The following HS6ST3 variants were observed in gnomAD, a reference collection of about 807,000 sequenced individuals.
The protein encoded by HS6ST3 is heparan-sulfate 6-O-sulfotransferase 3.
In HS6ST3, 12 loss-of-function variants were observed where a neutral mutation model predicts 36.7. The ratio of observed to expected loss-of-function variants is 0.33; its 90% confidence interval spans 0.21 to 0.53. HS6ST3 has a LOEUF of 0.53. HS6ST3 is among the 20% of genes least tolerant of loss of function. The pLI is 0.95. For missense variants in HS6ST3, 584 were observed against 640.9 expected (o/e 0.91, Z 0.96); for synonymous variants, 240 against 257.5 (o/e 0.93, Z 0.65).
chr13:96,207,339 GCTTTTC>G (rs2054375814), intron 1 of HS6ST3, among the ~76,000 whole-genome samples: 1 of 151,946 alleles, frequency 6.6e-6, no homozygotes, highest in Admixed American at 6.6e-5. Context: ...AAAAAGGAAT[GCTTTTC>G]CTTTTTCTTG....
rs183293608 is a variant in HS6ST3 at position 96,278,433 on chromosome 13, A to C, written c.707+186864A>C. ...CCACTGGCAAAACTCTTTTTTAAAG[A>C]AGGGTTCAGCAAAATGATTGGCACT... On this transcript the variant is annotated intron_variant, in intron 1 of 1. Transcript: ENST00000376705. Among the ~76,000 whole-genome samples the C allele has an allele frequency of 9.2e-5, 14 of 152,282 alleles. No individual in the cohort carries two copies. In the East Asian group the frequency reaches 2.5e-3, roughly 27 times the overall value.
chr13:96,151,808 C>G (rs2054086290), intron 1 of HS6ST3, among the ~76,000 whole-genome samples: 1 of 152,186 alleles, frequency 6.6e-6, no homozygotes, highest in Non-Finnish European at 1.5e-5. Flanking sequence ...CTCAGTAAGC[C>G]TCCACCATCC....
At chr13:96,682,463 C>G (rs547505539) in intron 1 of HS6ST3, among the ~76,000 whole-genome samples, 2 of 152,078 alleles carry the variant, frequency 1.3e-5, no homozygotes, top group Non-Finnish European at 2.9e-5. Flanking sequence ...TTGCTTGATA[C>G]GTGCAGAATT....
In HS6ST3 at chr13:96,774,700, G is replaced by A. The variant is rs575499179; in HGVS notation, c.708-57790G>A. Among the ~76,000 whole-genome samples the A allele has an allele frequency of 1.3e-4, 20 of 152,194 alleles. No individual in the cohort carries two copies. In the South Asian group the frequency reaches 1.5e-3, roughly 11 times the overall value. On this transcript the variant is annotated intron_variant, in intron 1 of 1. Coordinates refer to ENST00000376705, the MANE Select transcript of HS6ST3 (RefSeq NM_153456.4). ...GATTATGTGAAAAGATCAAACCTAC[G>A]TTTGATTGGGGTACCTGAAAGTGAC...
chr13:96,804,821 G>C (rs1468494426), intron 1 of HS6ST3, among the ~76,000 whole-genome samples: 1 of 152,118 alleles, frequency 6.6e-6, no homozygotes, highest in African/African-American at 2.4e-5. Flanking sequence ...AAAAGGCTGA[G>C]AGCTACAATT....
intron 1 of HS6ST3, among the ~76,000 whole-genome samples, chr13:96,210,712 G>A (rs1419625925): frequency 6.6e-6 from 1 of 151,416 alleles, no homozygotes; most frequent in Non-Finnish European, 1.5e-5. Flanking sequence ...CCCTGCCTCA[G>A]CCTTTCGAGT....
chr13:96,499,279 G>A (rs2055992451), intron 1 of HS6ST3, among the ~76,000 whole-genome samples: 1 of 152,046 alleles, frequency 6.6e-6, no homozygotes, highest in Admixed American at 6.6e-5. Flanking sequence ...GCCCACCTCG[G>A]CCTCCCAAAG....
At chr13:96,781,310 G>A (rs1877521405) in intron 1 of HS6ST3, among the ~76,000 whole-genome samples, 1 of 152,222 alleles carries the variant, frequency 6.6e-6, no homozygotes, top group Non-Finnish European at 1.5e-5. Context: ...CCCTAAGCCA[G>A]GGCACGTAGT....
At chr13:96,136,682 C>CAT (rs56247662) in intron 1 of HS6ST3, among the ~76,000 whole-genome samples, 3,576 of 129,972 alleles carry the variant, frequency 0.028, 73 homozygotes, top group Middle Eastern at 0.041. Flanking sequence ...TGTTATGAAA[C>CAT]ATATATATAT....
intron 1 of HS6ST3, among the ~76,000 whole-genome samples, chr13:96,236,258 G>T (rs989428821): frequency 6.6e-6 from 1 of 152,084 alleles, no homozygotes; most frequent in Non-Finnish European, 1.5e-5. Flanking sequence ...ACTGACTCAG[G>T]TGTTAACCTC....
At chr13:96,486,573 T>A (rs2055916057) in intron 1 of HS6ST3, among the ~76,000 whole-genome samples, 1 of 152,218 alleles carries the variant, frequency 6.6e-6, no homozygotes, top group African/African-American at 2.4e-5. Flanking sequence ...TGGTGTGAGA[T>A]GGAATCTCAT....
chr13:96,442,540 A>G (rs1180057923), intron 1 of HS6ST3, among the ~76,000 whole-genome samples: 1 of 152,174 alleles, frequency 6.6e-6, no homozygotes, highest in Non-Finnish European at 1.5e-5. Flanking sequence ...ATTTTCAGTT[A>G]TGCACTCTTT....
chr13:96,600,259 A>G (rs1404708227), intron 1 of HS6ST3, among the ~76,000 whole-genome samples: 2 of 148,880 alleles, frequency 1.3e-5, no homozygotes, highest in African/African-American at 5.0e-5. Context: ...CCCCACTATT[A>G]TTGTGTTGCT....
intron 1 of HS6ST3, among the ~76,000 whole-genome samples, chr13:96,796,937 C>G (rs1877927304): frequency 6.6e-6 from 1 of 151,966 alleles, no homozygotes; most frequent in African/African-American, 2.4e-5. Context: ...AGGGGGTGTC[C>G]TTATGAATCT....
intron 1 of HS6ST3, among the ~76,000 whole-genome samples, chr13:96,253,486 G>A (rs1594732704): frequency 1.3e-5 from 2 of 152,050 alleles, no homozygotes; most frequent in Non-Finnish European, 2.9e-5. Context: ...ATCCACTCCC[G>A]ATTTTTTTGC....
chr13:96,416,423 C>T (rs970214958), intron 1 of HS6ST3, among the ~76,000 whole-genome samples: 2 of 152,152 alleles, frequency 1.3e-5, no homozygotes, highest in African/African-American at 4.8e-5. Context: ...ATTTTGCAAT[C>T]ACTAAGCATA....
chr13:96,738,700 A>G (rs1173956036), intron 1 of HS6ST3, among the ~76,000 whole-genome samples: 1 of 152,198 alleles, frequency 6.6e-6, no homozygotes, highest in African/African-American at 2.4e-5. Context: ...AGTGTGTAGC[A>G]ATGTATCATA....
intron 1 of HS6ST3, among the ~76,000 whole-genome samples, chr13:96,499,841 CT>C (rs1213740895): frequency 6.6e-6 from 1 of 152,130 alleles, no homozygotes; most frequent in Non-Finnish European, 1.5e-5. Context: ...GGCGTCCAGG[CT>C]GAACGCACTG....
chr13:96,094,075 G>C (rs2053778256), intron 1 of HS6ST3, among the ~76,000 whole-genome samples: 1 of 152,138 alleles, frequency 6.6e-6, no homozygotes, highest in African/African-American at 2.4e-5. Context: ...ATCACATAAT[G>C]GATAAGAGTA....
Sources: allele counts gnomAD v4.1 joint callset (sites outside exome capture counted in the v4.1 genomes callset), GRCh38; gene constraint gnomAD v4.1.1; transcripts MANE v1.5; gene names NCBI Gene and HGNC (gene_info 2026-07-23, HGNC 2026-07-21).